The following ANTXR2 variants were observed in gnomAD, a reference collection of about 807,000 sequenced individuals.
ANTXR2 encodes ANTXR cell adhesion molecule 2.
ANTXR2 carries 44 observed loss-of-function variants against 73.7 expected under a neutral mutation model. The observed-to-expected ratio is 0.60, with a 90% CI of 0.47 to 0.77. ANTXR2 has a LOEUF of 0.77. Ranked by LOEUF, ANTXR2 falls within the 30% of genes least tolerant of loss-of-function variation. ANTXR2 has a pLI of 0.00. For missense variants in ANTXR2, 604 were observed against 592.5 expected, an observed-to-expected ratio of 1.02 and a Z score of -0.20; for synonymous variants, 217 against 205.9, an observed-to-expected ratio of 1.05 and a Z score of -0.46.
At chr4:79,943,671 C>T (rs1728400004) in intron 16 of ANTXR2, among the ~76,000 whole-genome samples, 1 of 138,510 alleles carries the variant, frequency 7.2e-6, no homozygotes, top group East Asian at 2.2e-4. Context: ...ACCAGCATGG[C>T]ACATGTATAC....
chr4:80,013,159 G>A (rs1731680840), intron 11 of ANTXR2, among the ~76,000 whole-genome samples: 1 of 152,182 alleles, frequency 6.6e-6, no homozygotes, highest in Non-Finnish European at 1.5e-5. Flanking sequence ...TTTGAGGAGA[G>A]ATGAACATAA....
chr4:79,926,931 A>ACATG (rs1553925953), intron 16 of ANTXR2, among the ~76,000 whole-genome samples: 1 of 118,594 alleles, frequency 8.4e-6, no homozygotes, highest in Non-Finnish European at 1.8e-5. Context: ...ATATATACAC[A>ACATG]TGTGCATATA....
At chr4:79,908,118 T>C (rs1000255134) in intron 16 of ANTXR2, among the ~76,000 whole-genome samples, 18 of 152,206 alleles carry the variant, frequency 1.2e-4, no homozygotes, top group Non-Finnish European at 2.1e-4. Context: ...TCCATGTGTA[T>C]TGTAAATAAT....
At chr4:79,914,739 A>C (rs978814452) in intron 16 of ANTXR2, among the ~76,000 whole-genome samples, 2 of 152,192 alleles carry the variant, frequency 1.3e-5, no homozygotes, top group Non-Finnish European at 2.9e-5. Flanking sequence ...GTGAAACCAT[A>C]CTATTCTTCA....
At chr4:79,912,976 T>C (rs1045016747) in intron 16 of ANTXR2, among the ~76,000 whole-genome samples, 2 of 152,210 alleles carry the variant, frequency 1.3e-5, no homozygotes, top group African/African-American at 4.8e-5. Context: ...ATTCTATGTT[T>C]TACCTTTTCT....
chr4:79,977,600 A>T, intron 16 of ANTXR2, 21 bp downstream of exon 16: 1 of 1,561,798 alleles, frequency 6.4e-7, no homozygotes, highest in Non-Finnish European at 8.7e-7. Flanking sequence ...GCTCTTTCTC[A>T]ATACATTCCC....
At chr4:79,988,264 TA>T in intron 12 of ANTXR2, among the ~76,000 whole-genome samples, 1 of 121,724 alleles carries the variant, frequency 8.2e-6, no homozygotes, top group Admixed American at 8.9e-5. Flanking sequence ...TATATATATA[TA>T]TATATATATA....
chr4:79,926,342 G>A (rs1287797959), intron 16 of ANTXR2, among the ~76,000 whole-genome samples: 1 of 152,080 alleles, frequency 6.6e-6, no homozygotes, highest in Non-Finnish European at 1.5e-5. Flanking sequence ...ATAGGAATGT[G>A]CCTATGTTGA....
At chr4:80,053,134 T>C (rs1168401394) in intron 7 of ANTXR2, among the ~76,000 whole-genome samples, 1 of 151,668 alleles carries the variant, frequency 6.6e-6, no homozygotes, top group Non-Finnish European at 1.5e-5. Flanking sequence ...CTTTTTACAT[T>C]GTCAGTACTG....
intron 3 of ANTXR2, among the ~76,000 whole-genome samples, chr4:80,064,578 A>C (rs559622503): frequency 4.6e-5 from 7 of 152,324 alleles, no homozygotes; most frequent in African/African-American, 1.7e-4. Flanking sequence ...AAATGTGATA[A>C]CCAAATATAG....
intron 12 of ANTXR2, among the ~76,000 whole-genome samples, chr4:79,994,365 C>T (rs1730626098): frequency 6.6e-6 from 1 of 151,956 alleles, no homozygotes; most frequent in Admixed American, 6.6e-5. Context: ...ACGAATCATG[C>T]TTCCACTCTT....
At chr4:80,061,691 G>A (rs1413437804) in intron 3 of ANTXR2, among the ~76,000 whole-genome samples, 1 of 148,518 alleles carries the variant, frequency 6.7e-6, no homozygotes. Flanking sequence ...AATTCACTTA[G>A]AATTGTACTT....
chr4:79,976,883 A>G (rs1432013348), intron 16 of ANTXR2, among the ~76,000 whole-genome samples: 1 of 152,196 alleles, frequency 6.6e-6, no homozygotes, highest in Non-Finnish European at 1.5e-5. Context: ...CATCACTACT[A>G]TTATGAACTG....
intron 16 of ANTXR2, among the ~76,000 whole-genome samples, chr4:79,927,025 G>C (rs1218418204): frequency 8.5e-6 from 1 of 118,090 alleles, no homozygotes; most frequent in East Asian, 2.3e-4. Context: ...ATACATATGT[G>C]TATATATGTG....
intron 12 of ANTXR2, among the ~76,000 whole-genome samples, chr4:79,993,760 G>GCACA (rs1553931141): frequency 0.012 from 1,638 of 140,734 alleles, 30 homozygotes; most frequent in African/African-American, 0.039. Context: ...ACACACACAC[G>GCACA]CACACACACA....
intron 7 of ANTXR2, among the ~76,000 whole-genome samples, chr4:80,048,440 TC>T (rs764227974): frequency 7.9e-5 from 12 of 151,744 alleles, no homozygotes; most frequent in Non-Finnish European, 1.8e-4. Flanking sequence ...TTATAGCCAG[TC>T]CTTTTTAACA....
At chr4:79,913,578 T>C (rs932460508) in intron 16 of ANTXR2, among the ~76,000 whole-genome samples, 1 of 152,188 alleles carries the variant, frequency 6.6e-6, no homozygotes, top group Non-Finnish European at 1.5e-5. Context: ...CTAGGGCATA[T>C]AATTTCTCTA....
chr4:80,071,538 T>C (rs756296660), intron 2 of ANTXR2, 45 bp downstream of exon 2: 2 of 1,486,478 alleles, frequency 1.3e-6, no homozygotes, highest in South Asian at 1.1e-5. Context: ...TTCTACACTT[T>C]GCTCTACTTC....
At chr4:79,909,916 C>G (rs993325037) in intron 16 of ANTXR2, among the ~76,000 whole-genome samples, 3 of 152,206 alleles carry the variant, frequency 2.0e-5, no homozygotes, top group Non-Finnish European at 4.4e-5. Context: ...AAAGATCCCA[C>G]TGCATCTCCA....
Sources: allele counts gnomAD v4.1 joint callset (sites outside exome capture counted in the v4.1 genomes callset), GRCh38; gene constraint gnomAD v4.1.1; transcripts MANE v1.5; gene names NCBI Gene and HGNC (gene_info 2026-07-23, HGNC 2026-07-21).